The following CSNK2A1 variants were observed in gnomAD, a reference collection of about 807,000 sequenced individuals.
The protein encoded by CSNK2A1 is casein kinase 2 alpha 1, also known as casein kinase II subunit alpha.
A neutral mutation model predicts 62.9 loss-of-function variants in CSNK2A1; 10 were observed. The observed-to-expected ratio is 0.16, with a 90% CI of 0.10 to 0.27. The LOEUF (loss-of-function observed/expected upper bound fraction) is 0.27, where lower values mean the gene tolerates loss of function less well. Ranked by LOEUF, CSNK2A1 falls within the 10% of genes least tolerant of loss-of-function variation. The pLI is 1.00. For synonymous variants in CSNK2A1, 124 were observed against 167.8 expected (o/e 0.74, Z 2.02); for missense variants, 160 against 492.0 (o/e 0.33, Z 6.38).
chr20:491,918 C>T (rs1302343664), intron 9 of CSNK2A1, among the ~76,000 whole-genome samples: 2 of 152,162 alleles, frequency 1.3e-5, no homozygotes, highest in Middle Eastern at 3.4e-3. Context: ...AGTGAGACTC[C>T]GTCTCAAAAC....
At position 499,507 on chromosome 20, in the gene CSNK2A1, A is replaced by G; in HGVS notation, c.316-202T>C. On this transcript the variant is annotated intron_variant, in intron 5 of 13. Coordinates refer to ENST00000217244, the MANE Select transcript of CSNK2A1 (RefSeq NM_177559.3). This position sits in a 1 kb window ranked among gnomAD's most constrained non-coding sequence, Gnocchi z 4.2. ...TTGGGATGGATTTCAAACAGAAGAC[A>G]TGGAGCTGAAGTCTCACCAGGCTCT... 1.8e-6 allele frequency: 1 copy of G among 557,844 alleles called. No homozygotes were observed. Among genetic ancestry groups the G allele is most frequent in the Non-Finnish European group, 3.1e-6 (1 of 321,496 alleles). 34.6% of individuals were successfully genotyped at this position (557,844 alleles called of 1,614,324 possible).
chr20:498,968 C>T (rs906522288), intron 6 of CSNK2A1: 19 of 211,550 alleles, frequency 9.0e-5, no homozygotes, highest in African/African-American at 3.9e-4. Context: ...CCTAAGTGAA[C>T]GTGTGTTACT....
intron 1 of CSNK2A1, among the ~76,000 whole-genome samples, chr20:533,146 C>T (rs1156500232): frequency 6.6e-6 from 1 of 152,126 alleles, no homozygotes; most frequent in Non-Finnish European, 1.5e-5. Flanking sequence ...AAATATCTAG[C>T]AACTAACTCC....
At chr20:507,853 G>C (rs1311742343) in intron 3 of CSNK2A1, 2 of 152,148 alleles carry the variant, frequency 1.3e-5, no homozygotes, top group African/African-American at 4.8e-5. Context: ...TTTGTTGCCA[G>C]GTGCCCATAC....
intron 2 of CSNK2A1, among the ~76,000 whole-genome samples, chr20:521,621 T>C (rs2018949658): frequency 6.6e-6 from 1 of 152,248 alleles, no homozygotes; most frequent in Non-Finnish European, 1.5e-5. Flanking sequence ...TTAAGGCAGC[T>C]TTATTCATAA....
intron 4 of CSNK2A1, chr20:500,898 A>G (rs1032340666): frequency 2.0e-5 from 3 of 152,156 alleles, no homozygotes; most frequent in African/African-American, 7.3e-5. Context: ...CGGCCTCCCA[A>G]AGTGCCAATA....
At chr20:491,798 C>G (rs1487497744) in intron 9 of CSNK2A1, among the ~76,000 whole-genome samples, 1 of 152,128 alleles carries the variant, frequency 6.6e-6, no homozygotes, top group African/African-American at 2.4e-5. Context: ...GTGGTGGGTG[C>G]CTGTAGTCCC....
intron 1 of CSNK2A1, among the ~76,000 whole-genome samples, chr20:530,298 G>A (rs569572964): frequency 1.6e-4 from 25 of 152,184 alleles, no homozygotes; most frequent in African/African-American, 5.1e-4. Flanking sequence ...GTTTATCCAC[G>A]TTGTTGCAAG....
At chr20:506,551 G>A (rs572665122) in intron 3 of CSNK2A1, 2 of 152,134 alleles carry the variant, frequency 1.3e-5, no homozygotes, top group East Asian at 1.9e-4. Context: ...AATGTAGAGC[G>A]CTTTGCTCTG....
chr20:511,699 T>G (rs1045688370), intron 2 of CSNK2A1, among the ~76,000 whole-genome samples: 2 of 101,940 alleles, frequency 2.0e-5, no homozygotes, highest in Non-Finnish European at 3.6e-5. Flanking sequence ...ACTGTGTATA[T>G]ATATACACAC....
intron 12 of CSNK2A1, chr20:486,793 A>G (rs2018109226): frequency 3.6e-6 from 1 of 276,818 alleles, no homozygotes; most frequent in Non-Finnish European, 7.0e-6. Context: ...AAAGACGGTA[A>G]TATATTACCA....
intron 2 of CSNK2A1, among the ~76,000 whole-genome samples, chr20:523,796 T>C (rs1316817762): frequency 6.8e-6 from 1 of 147,622 alleles, no homozygotes; most frequent in Non-Finnish European, 1.5e-5. Flanking sequence ...GAGGCTGAGC[T>C]TGCAGTGAGC....
intron 1 of CSNK2A1, among the ~76,000 whole-genome samples, chr20:537,496 GAA>G (rs33977111): frequency 6.9e-6 from 1 of 144,598 alleles, no homozygotes; most frequent in African/African-American, 2.5e-5. Context: ...TTCTACATGT[GAA>G]AAAAAAAAAG....
chr20:505,101 T>C lies in CSNK2A1; in HGVS notation c.213+17A>G. ...ATCTATATTCCAAATACCTCTGAAATTATCTCTTGTACTCACCTTGAGAAT... is the reference window on the plus strand; with the variant it reads ...ATCTATATTCCAAATACCTCTGAAACTATCTCTTGTACTCACCTTGAGAAT... On this transcript the variant is annotated intron_variant, in intron 4 of 13. Transcript: ENST00000217244. 3 of 1,586,688 alleles carry C rather than the reference T, an allele frequency of 1.9e-6. No individual in the cohort carries two copies. The African/African-American group carries it at 4.1e-5, about 21-fold the overall frequency.
chr20:511,703 T>TAC (rs61288887), intron 2 of CSNK2A1, among the ~76,000 whole-genome samples: 3,820 of 150,994 alleles, frequency 0.025, 50 homozygotes, highest in South Asian at 0.062. Context: ...TGTATATATA[T>TAC]ACACACACAC....
intron 2 of CSNK2A1, 111 bp from the exon 3 acceptor site, chr20:508,771 T>C: frequency 8.5e-6 from 4 of 472,792 alleles, no homozygotes; most frequent in Middle Eastern, 5.5e-4. Flanking sequence ...CTCTCCTACC[T>C]ACAGCCAATA....
chr20:489,421 T>G (rs986919431), intron 10 of CSNK2A1: 4 of 312,040 alleles, frequency 1.3e-5, no homozygotes, highest in African/African-American at 2.1e-5. Context: ...AAGAAACATC[T>G]GTAACTCAAC....
rs1289350253 is a variant in CSNK2A1, at chr20:472,797, C to T, written c.*11164G>A. The T allele has an allele frequency of 6.6e-6, 1 of 152,182 alleles. No individual in the cohort carries two copies. Among genetic ancestry groups the T allele is most frequent in the African/African-American group, 2.4e-5 (1 of 41,420 alleles). 9.4% of individuals were successfully genotyped at this position (152,182 alleles called of 1,614,324 possible). On this transcript the variant is annotated 3_prime_UTR_variant, in exon 14 of 14. Coordinates refer to ENST00000217244, the MANE Select transcript of CSNK2A1 (RefSeq NM_177559.3). Reference sequence around the variant, plus strand: ...AGGCTTCAGATAAGAATTTGGCTGCCTTCAGCCATAATTTCTTTCTGAAGC... The same window carrying T: ...AGGCTTCAGATAAGAATTTGGCTGCTTTCAGCCATAATTTCTTTCTGAAGC...
Position 478,017 on chromosome 20 carries a change from G to GA in CSNK2A1, c.*5943dup, listed in dbSNP as rs1405245137. Reference sequence around the variant, plus strand: ...AAATAGGCATTTGCATTTTTCCTAGGATTTTTTTTTTAAAACAGTTGGAAT... The same window carrying GA: ...AAATAGGCATTTGCATTTTTCCTAGGAATTTTTTTTTTAAAACAGTTGGAAT... On this transcript the variant is annotated 3_prime_UTR_variant, in exon 14 of 14. Coordinates refer to ENST00000217244, the MANE Select transcript of CSNK2A1 (RefSeq NM_177559.3). 2.1e-5 allele frequency: 3 copies of GA among 145,292 alleles called. No homozygotes were observed. Among genetic ancestry groups the GA allele is most frequent in the African/African-American group, 8.3e-5 (3 of 36,330 alleles). The allele number at this position is 145,292 out of a possible 1,614,324, so 9.0% of individuals were successfully genotyped here. A position where few individuals can be genotyped will look rare whatever the true frequency, so the allele number is the denominator to read the frequency against.
Sources: gnomAD v4.1 joint callset for allele counts (sites outside exome capture counted in the v4.1 genomes callset) on GRCh38, gnomAD v4.1.1 for gene constraint, Gnocchi (gnomAD v3.1) non-coding constraint, MANE v1.5 for transcripts, NCBI Gene and HGNC (gene_info 2026-07-23, HGNC 2026-07-21) for gene names.